Variants in TMX4 observed in about 807,000 individuals in gnomAD.
TMX4 encodes thioredoxin related transmembrane protein 4.
In TMX4, 23 loss-of-function variants were observed where a neutral mutation model predicts 33.3. That is an observed-to-expected ratio of 0.69 (90% CI 0.50 to 0.98). The LOEUF (loss-of-function observed/expected upper bound fraction) is 0.98. Ranked by LOEUF, TMX4 falls within the 50% of genes least tolerant of loss-of-function variation. The pLI, the probability that TMX4 is intolerant of heterozygous loss-of-function variation, is 0.00. For missense variants in TMX4, 399 were observed against 448.9 expected (o/e 0.89, Z 1.01); for synonymous variants, 164 against 161.5 (o/e 1.02, Z -0.12).
chr20:7,996,191 C>G, intron 4 of TMX4, 120 bp from the exon 5 acceptor site: 1 of 706,476 alleles, frequency 1.4e-6, no homozygotes, highest in Non-Finnish European at 2.4e-6. Context: ...CCCCCTCTCC[C>G]AGATTCATAT....
At chr20:7,982,906 C>A (rs182282129) in intron 7 of TMX4, among the ~76,000 whole-genome samples, 5 of 152,280 alleles carry the variant, frequency 3.3e-5, no homozygotes, top group Non-Finnish European at 1.5e-5. Flanking sequence ...GTAGAAAGCT[C>A]AGTGACCCTA....
chr20:7,995,321 T>C (rs1261266852), intron 5 of TMX4, among the ~76,000 whole-genome samples: 1 of 152,212 alleles, frequency 6.6e-6, no homozygotes, highest in African/African-American at 2.4e-5. Context: ...TTCAATCTGG[T>C]TGGATTTAGT....
rs144248008 is a variant in TMX4, at chr20:7,982,460, C to T, written c.841G>A (p.Glu281Lys). 3.1e-6 allele frequency: 5 copies of T among 1,614,032 alleles called. No individual in the cohort carries two copies. In the Admixed American group the frequency reaches 8.3e-5, roughly 27 times the overall value. Residue 281 changes from glutamate (E) to lysine (K), a missense_variant, in exon 8 of 8, where the codon GAG (glutamate) becomes AAG (lysine). By Grantham distance (56) the Glu-to-Lys change is moderately conservative. Coordinates refer to ENST00000246024, the MANE Select transcript of TMX4 (RefSeq NM_021156.4). ...GDEDEAEEEEEEDNLAAGVDE... is the reference protein window; with the variant it reads ...GDEDEAEEEEKEDNLAAGVDE... ...ACACCAGCAGCCAAGTTGTCCTCCT[C>T]CTCTTCTTCCTCTGCTTCATCCTCA...
intron 4 of TMX4, among the ~76,000 whole-genome samples, chr20:7,996,732 C>T (rs529902392): frequency 8.6e-4 from 131 of 152,180 alleles, no homozygotes; most frequent in African/African-American, 2.8e-3. Flanking sequence ...CCTTCCTGCA[C>T]GAGCAACTTC....
In TMX4 at chr20:7,996,055, C is replaced by A; in HGVS notation, c.484G>T (p.Gly162Cys). 6 of 1,610,556 alleles carry A rather than the reference C, an allele frequency of 3.7e-6. No homozygotes were observed. Among genetic ancestry groups the A allele is most frequent in the Non-Finnish European group, 4.2e-6 (5 of 1,178,274 alleles). ...ATCTTGCCAGAGATGCTAAAAAGAC[C>A]AGCCATTCCAGACATCCTTAAAAAA... ...PASLTMSGMA[G>C]LFSISGKIWH... Residue 162 changes from glycine to cysteine, a missense_variant, in exon 5 of 8, where the codon GGT becomes TGT. Gly to Cys is a radical substitution (Grantham distance 159, BLOSUM62 -3). Coordinates refer to ENST00000246024, the MANE Select transcript of TMX4 (RefSeq NM_021156.4).
At chr20:7,986,387 T>A (rs2050631200) in intron 6 of TMX4, among the ~76,000 whole-genome samples, 1 of 152,154 alleles carries the variant, frequency 6.6e-6, no homozygotes, top group Non-Finnish European at 1.5e-5. Flanking sequence ...AAGTCAATTG[T>A]TAACATTTTT....
At chr20:8,016,932 CTAAG>C (rs2050777990) in intron 1 of TMX4, among the ~76,000 whole-genome samples, 1 of 151,952 alleles carries the variant, frequency 6.6e-6, no homozygotes, top group Non-Finnish European at 1.5e-5. Flanking sequence ...CTCATCTGAA[CTAAG>C]TGTCAAGATG....
intron 5 of TMX4, among the ~76,000 whole-genome samples, chr20:7,990,729 T>C (rs1054904667): frequency 1.3e-5 from 2 of 152,228 alleles, no homozygotes; most frequent in Non-Finnish European, 2.9e-5. Flanking sequence ...ATATACTCTC[T>C]GAGGAGTTCT....
chr20:8,000,514 ACCACT>A (rs2050700917), intron 3 of TMX4, among the ~76,000 whole-genome samples: 1 of 152,118 alleles, frequency 6.6e-6, no homozygotes, highest in Non-Finnish European at 1.5e-5. Flanking sequence ...ACTGCTGAAT[ACCACT>A]TCTTTCTTCC....
At position 7,982,345 on chromosome 20, in the gene TMX4, T is replaced by A. The variant is rs2050610140; in HGVS notation, c.956A>T (p.Glu319Val). 6.2e-7 allele frequency: 1 copy of A among 1,614,082 alleles called. No individual in the cohort carries two copies. The highest frequency in any genetic ancestry group is 1.3e-5 in the African/African-American group (1 of 75,002). ...REEVEPEEAE[E>V]GISEQPCPAD... The stretch of plus-strand genomic sequence containing the variant: ...TGGGCAGGGTTGCTCAGAGATGCCT[T>A]CTTCAGCCTCCTCAGGCTCTACTTC... The change falls in exon 8 of 8, where the codon GAA becomes GTA. Residue 319 changes from glutamate (E) to valine (V), a missense_variant. Coordinates refer to ENST00000246024, the MANE Select transcript of TMX4 (RefSeq NM_021156.4).
chr20:8,019,709 G>A lies in TMX4; in HGVS notation c.-96C>T. ...GCCCGCCGGGTTTTTCAAGGAAGCG[G>A]GAGACGCAAGGGCCACCCCGCCTAC... On this transcript the variant is annotated 5_prime_UTR_variant, in exon 1 of 8. Coordinates refer to ENST00000246024, the MANE Select transcript of TMX4 (RefSeq NM_021156.4). The A allele has an allele frequency of 1.8e-6, 2 of 1,097,260 alleles. No individual in the cohort carries two copies. Among genetic ancestry groups the A allele is most frequent in the African/African-American group, 3.3e-5 (2 of 60,950 alleles). The allele number at this position is 1,097,260 out of a possible 1,614,324, so 68.0% of individuals were successfully genotyped here.
intron 2 of TMX4, among the ~76,000 whole-genome samples, chr20:8,005,923 T>G (rs1234427584): frequency 6.6e-6 from 1 of 152,130 alleles, no homozygotes; most frequent in Non-Finnish European, 1.5e-5. Context: ...CAATAAAACC[T>G]TGCACTCATT....
rs1462644005 is a variant in TMX4 at position 7,978,115 on chromosome 20, C to T, written c.*4136G>A. Reference sequence around the variant, plus strand: ...CATAAGAGATTTGAATGAATTCTTTCGAAAATGTTGGTACATTTGACAGGA... The same window carrying T: ...CATAAGAGATTTGAATGAATTCTTTTGAAAATGTTGGTACATTTGACAGGA... On this transcript the variant is annotated 3_prime_UTR_variant, in exon 8 of 8. Transcript: ENST00000246024. 2.0e-5 allele frequency: 3 copies of T among 152,130 alleles called. No individual in the cohort carries two copies. Among genetic ancestry groups the T allele is most frequent in the Admixed American group, 2.0e-4 (3 of 15,272 alleles). 9.4% of individuals were successfully genotyped at this position (152,130 alleles called of 1,614,324 possible). A position where few individuals can be genotyped will look rare whatever the true frequency, so the allele number is the denominator to read the frequency against.
At chr20:7,984,425 AC>A (rs2050621914) in intron 6 of TMX4, among the ~76,000 whole-genome samples, 1 of 152,132 alleles carries the variant, frequency 6.6e-6, no homozygotes, top group East Asian at 1.9e-4. Context: ...AACTGAGGAG[AC>A]CCAGGAGGTG....
Position 8,001,192 on chromosome 20 carries a change from A to G in TMX4, c.338+304T>C, listed in dbSNP as rs141229804. Among the ~76,000 whole-genome samples, 3 of 152,272 alleles carry G rather than the reference A, an allele frequency of 2.0e-5. No homozygotes were observed. The East Asian group carries it at 5.8e-4, about 29-fold the overall frequency. On this transcript the variant is annotated intron_variant, in intron 3 of 7. Transcript: ENST00000246024. ...TTTTTATGCTATCTCCTTTAACTGG[A>G]AAGACTTTCTCTACCTTGTTGGCTT...
chr20:7,997,112 T>C (rs552751626), intron 4 of TMX4, among the ~76,000 whole-genome samples: 1 of 152,170 alleles, frequency 6.6e-6, no homozygotes, highest in East Asian at 1.9e-4. Flanking sequence ...GTTGCCTCTC[T>C]GGTACTCATT....
At chr20:8,001,111 C>T (rs1178571463) in intron 3 of TMX4, among the ~76,000 whole-genome samples, 1 of 152,152 alleles carries the variant, frequency 6.6e-6, no homozygotes, top group Non-Finnish European at 1.5e-5. Flanking sequence ...ACCTGTGGTC[C>T]AGCCATAAAG....
At chr20:8,017,339 G>GCTTA (rs974499916) in intron 1 of TMX4, among the ~76,000 whole-genome samples, 1 of 152,180 alleles carries the variant, frequency 6.6e-6, no homozygotes, top group African/African-American at 2.4e-5. Flanking sequence ...TGTCTACACA[G>GCTTA]CTTACTTCCA....
At chr20:8,006,517 G>A (rs907264730) in intron 2 of TMX4, among the ~76,000 whole-genome samples, 13 of 152,188 alleles carry the variant, frequency 8.5e-5, no homozygotes, top group African/African-American at 2.9e-4. Context: ...GCTCAACTGT[G>A]GGGAAAAATA....
Sources: allele counts gnomAD v4.1 joint callset (sites outside exome capture counted in the v4.1 genomes callset), GRCh38; gene constraint gnomAD v4.1.1; transcripts MANE v1.5; gene names NCBI Gene and HGNC (gene_info 2026-07-23, HGNC 2026-07-21).